APP: variants seen among roughly 807,000 people sequenced by gnomAD.
APP encodes amyloid-beta precursor protein.
A neutral mutation model predicts 101.4 loss-of-function variants in APP; 31 were observed. That is an observed-to-expected ratio of 0.31 (90% CI 0.23 to 0.41). The LOEUF (loss-of-function observed/expected upper bound fraction) is 0.41, where lower values mean the gene tolerates loss of function less well. APP is among the 10% of genes least tolerant of loss of function. The pLI, the probability that APP is intolerant of heterozygous loss-of-function variation, is 1.00. For missense variants in APP, 839 were observed against 1,003.7 expected, an observed-to-expected ratio of 0.84 and a Z score of 2.22; for synonymous variants, 366 against 364.4, an observed-to-expected ratio of 1.00 and a Z score of -0.05.
intron 1 of APP, among the ~76,000 whole-genome samples, chr21:26,112,808 C>T (rs1039101719): frequency 2.0e-5 from 3 of 152,134 alleles, no homozygotes; most frequent in African/African-American, 7.2e-5. Flanking sequence ...CTCTCCCAAC[C>T]ATCTGCAAGG....
At chr21:25,886,200 G>A (rs1315842807) in intron 17 of APP, among the ~76,000 whole-genome samples, 1 of 152,030 alleles carries the variant, frequency 6.6e-6, no homozygotes, top group Non-Finnish European at 1.5e-5. Flanking sequence ...AAAGAAAATA[G>A]GAAGTTTTCA....
chr21:25,913,275 A>T (rs1453866394), intron 13 of APP, among the ~76,000 whole-genome samples: 1 of 152,238 alleles, frequency 6.6e-6, no homozygotes, highest in African/African-American at 2.4e-5. Context: ...ATTGCAAGTG[A>T]TTTTAAATGA....
intron 1 of APP, among the ~76,000 whole-genome samples, chr21:26,138,405 A>T (rs1462515776): frequency 1.3e-5 from 2 of 152,068 alleles, no homozygotes; most frequent in Non-Finnish European, 2.9e-5. Context: ...GAAACTACTT[A>T]TAGAATGTCA....
intron 3 of APP, among the ~76,000 whole-genome samples, chr21:26,067,264 G>GT (rs1272243545): frequency 1.3e-5 from 2 of 151,978 alleles, no homozygotes; most frequent in East Asian, 1.9e-4. Context: ...TTCTACATTT[G>GT]TTTTTTTCTC....
chr21:25,976,958 G>A (rs2042247160), intron 9 of APP, among the ~76,000 whole-genome samples: 1 of 152,112 alleles, frequency 6.6e-6, no homozygotes, highest in Non-Finnish European at 1.5e-5. Context: ...GATACAGCAA[G>A]GAAGTCCTCA....
intron 9 of APP, among the ~76,000 whole-genome samples, chr21:25,980,558 C>G (rs536282814): frequency 6.6e-6 from 1 of 152,144 alleles, no homozygotes; most frequent in Non-Finnish European, 1.5e-5. Context: ...ACTAGAACTG[C>G]ACATTATATT....
chr21:26,161,482 G>T (rs1242366984), intron 1 of APP, among the ~76,000 whole-genome samples: 1 of 152,080 alleles, frequency 6.6e-6, no homozygotes, highest in African/African-American at 2.4e-5. Context: ...TTGGGGGCAA[G>T]GACCTCGAAA....
At chr21:26,054,232 C>T (rs141489352) in intron 3 of APP, among the ~76,000 whole-genome samples, 73 of 151,180 alleles carry the variant, frequency 4.8e-4, no homozygotes, top group East Asian at 2.2e-3. Flanking sequence ...AAACAATATT[C>T]GAGATGAATC....
At chr21:26,136,202 A>AAAGGAAG (rs137962980) in intron 1 of APP, among the ~76,000 whole-genome samples, 2 of 100,604 alleles carry the variant, frequency 2.0e-5, no homozygotes, top group Non-Finnish European at 4.0e-5. Context: ...AGAAAGAAAG[A>AAAGGAAG]AAAGAAAAGA....
At chr21:26,020,033 T>C (rs1252739639) in intron 6 of APP, among the ~76,000 whole-genome samples, 1 of 152,158 alleles carries the variant, frequency 6.6e-6, no homozygotes, top group Non-Finnish European at 1.5e-5. Flanking sequence ...TTGCACTCTG[T>C]TCTTTTTTTT....
chr21:26,165,035 C>T (rs906658322), intron 1 of APP, among the ~76,000 whole-genome samples: 1 of 152,086 alleles, frequency 6.6e-6, no homozygotes, highest in Admixed American at 6.5e-5. Flanking sequence ...ATACACAATA[C>T]ATATTTAATA....
At chr21:25,894,501 T>A (rs1292041300) in intron 16 of APP, among the ~76,000 whole-genome samples, 2 of 152,116 alleles carry the variant, frequency 1.3e-5, no homozygotes, top group African/African-American at 4.8e-5. Context: ...AGACAATGAT[T>A]CCAACTCTCA....
At chr21:26,163,699 A>T (rs2063547621) in intron 1 of APP, among the ~76,000 whole-genome samples, 1 of 152,196 alleles carries the variant, frequency 6.6e-6, no homozygotes. Flanking sequence ...GAGCTGGTTA[A>T]CAAAAACCCA....
intron 5 of APP, among the ~76,000 whole-genome samples, chr21:26,027,936 T>C (rs1237138879): frequency 6.6e-6 from 1 of 152,086 alleles, no homozygotes; most frequent in African/African-American, 2.4e-5. Context: ...GGCTCATGCC[T>C]GTAATCCCAG....
intron 5 of APP, among the ~76,000 whole-genome samples, chr21:26,022,491 A>G (rs2044386724): frequency 6.6e-6 from 1 of 152,196 alleles, no homozygotes; most frequent in African/African-American, 2.4e-5. Flanking sequence ...TCATGTTAAA[A>G]CAGGAATACT....
intron 13 of APP, among the ~76,000 whole-genome samples, chr21:25,950,152 G>A (rs114000959): frequency 2.9e-3 from 449 of 152,222 alleles, no homozygotes; most frequent in African/African-American, 0.01. Context: ...ATCTCTATAT[G>A]GCGGTCCTGT....
intron 15 of APP, among the ~76,000 whole-genome samples, chr21:25,901,845 C>T (rs1206994439): frequency 6.6e-6 from 1 of 152,146 alleles, no homozygotes; most frequent in African/African-American, 2.4e-5. Flanking sequence ...GGTCAAGGAC[C>T]TGGTTTCCCT....
intron 17 of APP, among the ~76,000 whole-genome samples, chr21:25,891,088 CTCTT>C (rs1451043323): frequency 1.3e-5 from 2 of 152,264 alleles, no homozygotes; most frequent in African/African-American, 4.8e-5. Flanking sequence ...TTTTCTTTCT[CTCTT>C]TCTTGTTTTA....
chr21:26,156,429 G>A (rs2063377431), intron 1 of APP, among the ~76,000 whole-genome samples: 3 of 152,284 alleles, frequency 2.0e-5, no homozygotes, highest in East Asian at 1.9e-4. Context: ...CAGGTGAGTC[G>A]AGAGTGAGTA....
Sources: gnomAD v4.1 joint callset for allele counts (sites outside exome capture counted in the v4.1 genomes callset) on GRCh38, gnomAD v4.1.1 for gene constraint, MANE v1.5 for transcripts, NCBI Gene and HGNC (gene_info 2026-07-23, HGNC 2026-07-21) for gene names.